Variants in SHANK2 observed in about 807,000 individuals in gnomAD.
The protein encoded by SHANK2 is SH3 and multiple ankyrin repeat domains 2, also known as SH3 and multiple ankyrin repeat domains protein 2.
Under a neutral mutation model 133.7 loss-of-function variants are expected in SHANK2, and 43 were observed. The ratio of observed to expected loss-of-function variants is 0.32; its 90% CI spans 0.25 to 0.41. The LOEUF is 0.41. Among genes scored for constraint, SHANK2 ranks in the 10% least tolerant of loss-of-function variants. The pLI is 1.00. For missense variants in SHANK2, 1,994 were observed against 2,235.8 expected, an observed-to-expected ratio of 0.89 and a Z score of 2.18; for synonymous variants, 1,017 against 952.8, an observed-to-expected ratio of 1.07 and a Z score of -1.24.
intron 10 of SHANK2, among the ~76,000 whole-genome samples, chr11:70,899,198 G>A (rs1286907615): frequency 6.6e-6 from 1 of 152,148 alleles, no homozygotes; most frequent in African/African-American, 2.4e-5. Flanking sequence ...ATGTGTCGAG[G>A]GAGGGACCCG....
Position 70,470,111 on chromosome 11 carries a change from G to C in SHANK2, c.*2758C>G, listed in dbSNP as rs1018421887. On this transcript the variant is annotated 3_prime_UTR_variant, in exon 26 of 26. Transcript: ENST00000601538. ...GGCCTCGTCCTAACATGTCCCAAAG[G>C]GGGAGAACAGTGGGTGGTGATTTGA... The C allele has an allele frequency of 3.3e-5, 5 of 152,606 alleles. No homozygotes were observed. Among genetic ancestry groups the C allele is most frequent in the Admixed American group, 1.3e-4 (2 of 15,284 alleles). 9.5% of individuals were successfully genotyped at this position (152,606 alleles called of 1,614,324 possible).
Position 70,472,682 on chromosome 11 carries a change from A to G in SHANK2, c.*187T>C, listed in dbSNP as rs1337998074. On this transcript the variant is annotated 3_prime_UTR_variant, in exon 26 of 26. Coordinates refer to ENST00000601538, the MANE Select transcript of SHANK2 (RefSeq NM_012309.5). The surrounding 1 kb of genome is among the most constrained non-coding windows in gnomAD (Gnocchi z 4.4). ...GATAGAAACTGCCCAAGACACCCACATGGTGAGCCAGGGGTCTGAAGACCC... is the reference window on the plus strand; with the variant it reads ...GATAGAAACTGCCCAAGACACCCACGTGGTGAGCCAGGGGTCTGAAGACCC... The G allele has an allele frequency of 1.3e-5, 8 of 639,920 alleles. No individual in the cohort carries two copies. Among genetic ancestry groups the G allele is most frequent in the South Asian group, 1.8e-5 (1 of 54,554 alleles). 39.6% of individuals were successfully genotyped at this position (639,920 alleles called of 1,614,324 possible).
chr11:71,083,784 T>C (rs1951335407), intron 8 of SHANK2, among the ~76,000 whole-genome samples: 1 of 152,194 alleles, frequency 6.6e-6, no homozygotes, highest in South Asian at 2.1e-4. Context: ...TAAAAGTCTT[T>C]AGCAATTAAA....
intron 17 of SHANK2, among the ~76,000 whole-genome samples, chr11:70,524,083 C>T (rs4980605): frequency 0.97 from 147,919 of 152,268 alleles, 72,003 homozygotes; most frequent in East Asian, 1. Flanking sequence ...CTAAGGACTT[C>T]ACATAGTTAC....
At chr11:70,945,218 A>G (rs982309391) in intron 10 of SHANK2, among the ~76,000 whole-genome samples, 4 of 152,174 alleles carry the variant, frequency 2.6e-5, no homozygotes, top group African/African-American at 9.7e-5. Flanking sequence ...GAGATGAACC[A>G]TAAGATCCTT....
intron 17 of SHANK2, among the ~76,000 whole-genome samples, chr11:70,654,877 C>T (rs1388926310): frequency 6.6e-6 from 1 of 151,738 alleles, no homozygotes; most frequent in South Asian, 2.1e-4. Context: ...AAGCGATTCT[C>T]CTGCCTCAGC....
chr11:70,660,248 TA>T (rs1204140994), intron 16 of SHANK2, among the ~76,000 whole-genome samples: 3 of 152,222 alleles, frequency 2.0e-5, no homozygotes, highest in African/African-American at 7.2e-5. Flanking sequence ...TCATTTTCTT[TA>T]AAAGCATCAG....
intron 19 of SHANK2, 21 bp downstream of exon 19, chr11:70,502,185 T>C: frequency 1.3e-6 from 2 of 1,552,324 alleles, no homozygotes; most frequent in South Asian, 2.4e-5. Flanking sequence ...TGTACAGGGC[T>C]GGGCCGGGTG....
chr11:70,514,507 A>C (rs1190368450), intron 17 of SHANK2, among the ~76,000 whole-genome samples: 2 of 152,256 alleles, frequency 1.3e-5, no homozygotes, highest in Non-Finnish European at 2.9e-5. Flanking sequence ...TCACTGTTTT[A>C]GGCAAAAATA....
intron 17 of SHANK2, among the ~76,000 whole-genome samples, chr11:70,647,068 G>A (rs1200944211): frequency 5.9e-5 from 9 of 151,850 alleles, no homozygotes; most frequent in African/African-American, 1.5e-4. Context: ...GTTTCACCAC[G>A]TTGGCCAGGC....
intron 21 of SHANK2, among the ~76,000 whole-genome samples, chr11:70,496,497 T>G (rs1331956291): frequency 6.6e-6 from 1 of 152,198 alleles, no homozygotes; most frequent in Non-Finnish European, 1.5e-5. Context: ...ACACCTCATG[T>G]AACTGTGTGC....
intron 17 of SHANK2, among the ~76,000 whole-genome samples, chr11:70,559,875 T>TTATA (rs1351857737): frequency 2.0e-5 from 3 of 151,508 alleles, no homozygotes; most frequent in African/African-American, 7.3e-5. Context: ...CTTTATTTAT[T>TTATA]TATTTATTTA....
At chr11:70,737,427 A>G (rs916446503) in intron 14 of SHANK2, among the ~76,000 whole-genome samples, 4 of 152,144 alleles carry the variant, frequency 2.6e-5, no homozygotes, top group Admixed American at 1.3e-4. Context: ...GCCAGCCCCC[A>G]GGTGGCCTGG....
At chr11:70,933,295 A>C (rs1555082843) in intron 10 of SHANK2, 1 of 454,988 alleles carries the variant, frequency 2.2e-6, no homozygotes, top group East Asian at 6.9e-5. Context: ...GATTAAACTT[A>C]AATGAGCTCC....
chr11:70,760,678 G>A (rs1289651067), intron 14 of SHANK2, among the ~76,000 whole-genome samples: 2 of 152,330 alleles, frequency 1.3e-5, no homozygotes, highest in Admixed American at 6.5e-5. Context: ...CACAGGGAGC[G>A]GCTCGGGAAG....
chr11:71,185,964 A>G (rs1250458472), intron 2 of SHANK2, among the ~76,000 whole-genome samples: 1 of 152,154 alleles, frequency 6.6e-6, no homozygotes, highest in Non-Finnish European at 1.5e-5. Context: ...AACAATGGAA[A>G]ATACAATGGT....
rs1298161137 is a variant in SHANK2 at position 70,569,345 on chromosome 11, C to T, written c.2062-66414G>A. Among the ~76,000 whole-genome samples the T allele has an allele frequency of 6.6e-6, 1 of 152,186 alleles. No homozygotes were observed. Among genetic ancestry groups the T allele is most frequent in the Non-Finnish European group, 1.5e-5 (1 of 68,028 alleles). ...TGATCCTGCTCATGCGCCTCATGGA[C>T]GCATCTTGCCCCGGTTTCCAGGTGC... On this transcript the variant is annotated intron_variant, in intron 17 of 25. Transcript: ENST00000601538. The surrounding 1 kb of genome is among the most constrained non-coding windows in gnomAD (Gnocchi z 5.1).
At chr11:70,753,095 AGAGT>A (rs1470732445) in intron 14 of SHANK2, among the ~76,000 whole-genome samples, 1 of 152,054 alleles carries the variant, frequency 6.6e-6, no homozygotes, top group Non-Finnish European at 1.5e-5. Flanking sequence ...CCTGGGTAAC[AGAGT>A]GAGATTCTGT....
intron 1 of SHANK2, among the ~76,000 whole-genome samples, chr11:71,230,843 C>T (rs1438043138): frequency 3.3e-5 from 5 of 152,180 alleles, no homozygotes; most frequent in African/African-American, 1.2e-4. Flanking sequence ...TTTCAACAAA[C>T]GATGCTGGAG....
Sources: allele counts gnomAD v4.1 joint callset (sites outside exome capture counted in the v4.1 genomes callset), GRCh38; gene constraint gnomAD v4.1.1; non-coding constraint Gnocchi (gnomAD v3.1); transcripts MANE v1.5; gene names NCBI Gene and HGNC (gene_info 2026-07-23, HGNC 2026-07-21).